ZNF254: variants seen among roughly 807,000 people sequenced by gnomAD.
ZNF254 encodes the protein CTD-2017D11.1.
ZNF254 carries 10 observed loss-of-function variants against 12.4 expected under a neutral mutation model. The observed-to-expected ratio is 0.80, with a 90% CI of 0.50 to 1.36. The LOEUF (loss-of-function observed/expected upper bound fraction) is 1.36. Among genes scored for constraint, ZNF254 ranks in the 40% most tolerant of loss-of-function variants. The pLI is 0.00. For synonymous variants in ZNF254, 305 were observed against 253.4 expected, an observed-to-expected ratio of 1.20 and a Z score of -1.93; for missense variants, 996 against 763.9, an observed-to-expected ratio of 1.30 and a Z score of -3.58.
rs1396313375 is a variant in ZNF254 at position 24,125,448 on chromosome 19, T to C, written c.254-806T>C. Reference sequence around the variant, plus strand: ...ATTTCTTTCAGAAAATTTTGTGATATTTTTGGTGGGATTGTATTGCCCTAT... The same window carrying C: ...ATTTCTTTCAGAAAATTTTGTGATACTTTTGGTGGGATTGTATTGCCCTAT... On this transcript the variant is annotated intron_variant, in intron 3 of 3. Transcript: ENST00000357002. Among the ~76,000 whole-genome samples, 7 of 152,132 alleles carry C rather than the reference T, an allele frequency of 4.6e-5. No homozygotes were observed. In the East Asian group the frequency reaches 9.7e-4, roughly 21 times the overall value.
At chr19:24,037,695 C>CG (rs1479684929) in intron 1 of ZNF254, among the ~76,000 whole-genome samples, 1 of 151,128 alleles carries the variant, frequency 6.6e-6, no homozygotes, top group African/African-American at 2.4e-5. Flanking sequence ...CCGCAACCTC[C>CG]ACCTCCCAGG....
At chr19:24,091,482 GT>G (rs890755455) in intron 1 of ZNF254, among the ~76,000 whole-genome samples, 4 of 151,894 alleles carry the variant, frequency 2.6e-5, no homozygotes, top group African/African-American at 9.7e-5. Flanking sequence ...TATATCCTGT[GT>G]TTTTTTGTGT....
intron 3 of ZNF254, among the ~76,000 whole-genome samples, chr19:24,114,761 A>G (rs1378700967): frequency 6.7e-6 from 1 of 148,526 alleles, no homozygotes; most frequent in Non-Finnish European, 1.5e-5. Flanking sequence ...ATGGGAGAAA[A>G]TTTTCGCAAC....
intron 1 of ZNF254, among the ~76,000 whole-genome samples, chr19:24,042,031 C>T (rs866864935): frequency 7.3e-6 from 1 of 137,190 alleles, no homozygotes; most frequent in African/African-American, 2.7e-5. Flanking sequence ...CTGGTGAGGA[C>T]GTGGAGAACA....
Position 24,112,705 on chromosome 19 carries a change from T to C in ZNF254, c.253+6062T>C, listed in dbSNP as rs937604414. Among the ~76,000 whole-genome samples, 176 of 150,766 alleles carry C rather than the reference T, an allele frequency of 1.2e-3. 1 individual carries two copies. The highest frequency in any genetic ancestry group is 1.8e-3 in the African/African-American group (75 of 41,324). On this transcript the variant is annotated intron_variant, in intron 3 of 3. Transcript: ENST00000357002. ...GGATTCCTAGGTATTTTATTCTCTT[T>C]GAAGCAATTATGAATGGGAGTTCAC...
chr19:24,041,809 A>G (rs1970176788), intron 1 of ZNF254, among the ~76,000 whole-genome samples: 1 of 152,210 alleles, frequency 6.6e-6, no homozygotes, highest in Non-Finnish European at 1.5e-5. Context: ...GAGTCTTTAT[A>G]TCTAGCTCAG....
At chr19:24,068,242 G>T (rs776324229) in intron 2 of ZNF254, among the ~76,000 whole-genome samples, 1 of 151,056 alleles carries the variant, frequency 6.6e-6, no homozygotes, top group African/African-American at 2.4e-5. Flanking sequence ...CACAGAGAGC[G>T]TTGTAACATA....
intron 2 of ZNF254, among the ~76,000 whole-genome samples, chr19:24,067,539 G>A (rs1245152653): frequency 3.3e-5 from 5 of 152,014 alleles, no homozygotes; most frequent in Non-Finnish European, 7.4e-5. Flanking sequence ...CAGCTCCTAC[G>A]TTATCTGACT....
At position 24,126,668 on chromosome 19, in the gene ZNF254, C is replaced by A; in HGVS notation, c.668C>A (p.Ser223Ter). Residue 223 changes from serine to a stop codon, truncating the protein, a stop_gained, in exon 4 of 4, where the codon TCA becomes TAA. Coordinates refer to ENST00000357002, the MANE Select transcript of ZNF254 (RefSeq NM_203282.4). LOFTEE classifies it low-confidence loss of function (END_TRUNC). ...KECGKTFNWS[S>*]TLTNHRKIYT... ...TGTGGAAAAACCTTTAATTGGTCCT[C>A]AACCCTTACTAATCATAGGAAAATT... The A allele has an allele frequency of 6.2e-7, 1 of 1,613,088 alleles. No homozygotes were observed. Among genetic ancestry groups the A allele is most frequent in the South Asian group, 1.1e-5 (1 of 90,858 alleles).
At chr19:24,095,241 T>A (rs117033235) in intron 1 of ZNF254, among the ~76,000 whole-genome samples, 1 of 152,234 alleles carries the variant, frequency 6.6e-6, no homozygotes, top group Non-Finnish European at 1.5e-5. Context: ...TAAATTCTAC[T>A]TGATCATACT....
chr19:24,126,430 C>T lies in ZNF254; in HGVS notation c.430C>T (p.Gln144Ter), dbSNP rs578183124. 1.3e-6 allele frequency: 2 copies of T among 1,598,862 alleles called. No homozygotes were observed. Among genetic ancestry groups the T allele is most frequent in the South Asian group, 1.1e-5 (1 of 87,708 alleles). Residue 144 changes from glutamine to a stop codon, truncating the protein, a stop_gained, in exon 4 of 4, where the codon CAG (glutamine) becomes TAG (stop). Coordinates refer to ENST00000357002, the MANE Select transcript of ZNF254 (RefSeq NM_203282.4). LOFTEE classifies it low-confidence loss of function (END_TRUNC). ...VNKEGYNGLN[Q>*]CFTTAQSKVF... ...CAAAGAAGGTTATAATGGACTTAAC[C>T]AGTGTTTCACAACTGCCCAGAGCAA... is the stretch of plus-strand genomic sequence containing the variant.
chr19:24,081,465 G>A lies in ZNF254; in HGVS notation c.-93-24475G>A, dbSNP rs545457713. Reference sequence around the variant, plus strand: ...CTAGACACTCCAATTAACCTGATATGAGGTGCTAATCAATAAAAAATAGTT... The same window carrying A: ...CTAGACACTCCAATTAACCTGATATAAGGTGCTAATCAATAAAAAATAGTT... On this transcript the variant is annotated intron_variant, in intron 2 of 4. Coordinates refer to the ZNF254 transcript ENST00000613065. Among the ~76,000 whole-genome samples the A allele has an allele frequency of 1.3e-4, 20 of 152,298 alleles. 1 individual carries two copies. The South Asian group carries it at 4.1e-3, about 32-fold the overall frequency.
At chr19:24,073,798 TGTACTC>T (rs1971563945) in intron 2 of ZNF254, among the ~76,000 whole-genome samples, 1 of 152,250 alleles carries the variant, frequency 6.6e-6, no homozygotes, top group Admixed American at 6.5e-5. Context: ...TTGTAACTGA[TGTACTC>T]AGACTCAACA....
At chr19:24,106,114 A>G (rs773067028) in intron 2 of ZNF254, 48 bp downstream of exon 2, 2 of 1,509,592 alleles carry the variant, frequency 1.3e-6, no homozygotes, top group South Asian at 2.4e-5. Flanking sequence ...TAAAGCTTTT[A>G]TTTTTCTTTA....
chr19:24,045,098 C>T (rs1025677861), intron 1 of ZNF254, among the ~76,000 whole-genome samples: 1 of 152,128 alleles, frequency 6.6e-6, no homozygotes, highest in African/African-American at 2.4e-5. Context: ...CCCTTTACCC[C>T]TCTCCCTTAA....
intron 2 of ZNF254, among the ~76,000 whole-genome samples, chr19:24,074,309 C>T (rs182741526): frequency 6.6e-6 from 1 of 152,158 alleles, no homozygotes; most frequent in Non-Finnish European, 1.5e-5. Flanking sequence ...CTCTTCTCTT[C>T]TAAGTAGGTT....
Position 24,117,482 on chromosome 19 carries a change from G to A in ZNF254, c.254-8772G>A, listed in dbSNP as rs182501857. On this transcript the variant is annotated intron_variant, in intron 3 of 3. Transcript: ENST00000357002. ...TAGCAATCAGCGAGACTCTGTGGGC[G>A]TAGGACCCTCCGAGCCAGGTGCAGG... 2.3e-3 allele frequency among the ~76,000 whole-genome samples: 350 copies of A among 152,302 alleles called. 2 individuals are homozygous for A. Among genetic ancestry groups the A allele is most frequent in the African/African-American group, 8.0e-3 (332 of 41,584 alleles).
At chr19:24,082,448 C>T (rs1463758777), upstream of ZNF254, among the ~76,000 whole-genome samples, 6 of 118,004 alleles carry the variant, frequency 5.1e-5, no homozygotes, top group African/African-American at 2.0e-4. Context: ...AGATCGAGAC[C>T]GTCCTGGCTA....
chr19:24,065,024 C>T (rs1193034535), intron 2 of ZNF254, among the ~76,000 whole-genome samples: 1 of 152,166 alleles, frequency 6.6e-6, no homozygotes, highest in Non-Finnish European at 1.5e-5. Context: ...TGATGTGGCT[C>T]TTCTCACTTG....
Sources: allele counts gnomAD v4.1 joint callset (sites outside exome capture counted in the v4.1 genomes callset), GRCh38; gene constraint gnomAD v4.1.1; transcripts MANE v1.5; gene names NCBI Gene and HGNC (gene_info 2026-07-23, HGNC 2026-07-21).